The following MYT1L variants were observed in gnomAD, a reference collection of about 807,000 sequenced individuals.
The protein encoded by MYT1L is myelin transcription factor 1 like.
MYT1L carries 12 observed loss-of-function variants against 126.7 expected under a neutral mutation model. The observed-to-expected ratio is 0.09, with a 90% CI of 0.06 to 0.15. The LOEUF (loss-of-function observed/expected upper bound fraction) is 0.15. Ranked by LOEUF, MYT1L falls within the 10% of genes least tolerant of loss-of-function variation. The probability of loss-of-function intolerance (pLI) is 1.00; values close to 1 mark genes in which losing one functional copy is unlikely to be tolerated. For missense variants in MYT1L, 979 were observed against 1,585.2 expected (o/e 0.62, Z 6.49); for synonymous variants, 541 against 604.2 (o/e 0.90, Z 1.53).
chr2:2,327,192 CT>C (rs1399517710), intron 1 of MYT1L: 1 of 152,088 alleles, frequency 6.6e-6, no homozygotes, highest in Non-Finnish European at 1.5e-5. Flanking sequence ...TTTAAAATAT[CT>C]TTTTCATACC....
intron 4 of MYT1L, among the ~76,000 whole-genome samples, chr2:2,018,860 G>T (rs1286732398): frequency 1.3e-5 from 2 of 152,108 alleles, no homozygotes; most frequent in Non-Finnish European, 2.9e-5. Flanking sequence ...TCCAGAGAGA[G>T]AACGCCTCCT....
At chr2:2,178,433 T>G (rs993582256) in intron 2 of MYT1L, among the ~76,000 whole-genome samples, 1 of 152,206 alleles carries the variant, frequency 6.6e-6, no homozygotes, top group African/African-American at 2.4e-5. Context: ...TAAAAAACCT[T>G]CTTCCATGTT....
Position 1,934,124 on chromosome 2 carries a change from G to A in MYT1L, c.505+8858C>T, listed in dbSNP as rs533817323. Among the ~76,000 whole-genome samples, 311 of 142,252 alleles carry A rather than the reference G, an allele frequency of 2.2e-3. 2 individuals carry two copies. The highest frequency in any genetic ancestry group is 7.1e-3 in the African/African-American group (285 of 40,358). 93.3% of individuals were successfully genotyped at this position (142,252 alleles called of 152,430 possible). ...GGAGTAGCTGGGACTACAGGCACCC[G>A]CCACCACGCCTGGCTAATTTTTTGT... On this transcript the variant is annotated intron_variant, in intron 9 of 24. Coordinates refer to ENST00000647738, the MANE Select transcript of MYT1L (RefSeq NM_001303052.2).
At chr2:2,065,110 A>G (rs1226061868) in intron 3 of MYT1L, among the ~76,000 whole-genome samples, 1 of 152,192 alleles carries the variant, frequency 6.6e-6, no homozygotes, top group East Asian at 1.9e-4. Context: ...AGGTAGAAGC[A>G]TAACTTGGGC....
At chr2:1,874,585 C>T (rs956882386) in intron 18 of MYT1L, among the ~76,000 whole-genome samples, 8 of 152,200 alleles carry the variant, frequency 5.3e-5, no homozygotes, top group Non-Finnish European at 7.3e-5. Context: ...TGTGGTCCAG[C>T]GGCTGGGCCG....
chr2:1,868,848 C>T (rs544959554), intron 18 of MYT1L, among the ~76,000 whole-genome samples: 3 of 152,310 alleles, frequency 2.0e-5, no homozygotes, highest in East Asian at 1.9e-4. Context: ...TTGACTGCAG[C>T]GCTGCCAGGC....
chr2:1,875,160 C>T (rs1209132816), intron 18 of MYT1L, among the ~76,000 whole-genome samples: 8 of 152,180 alleles, frequency 5.3e-5, no homozygotes, highest in African/African-American at 7.2e-5. Flanking sequence ...TTCTATGTTC[C>T]GGCGCAGGCG....
At chr2:2,316,117 G>A (rs80114252) in intron 1 of MYT1L, among the ~76,000 whole-genome samples, 4,469 of 152,292 alleles carry the variant, frequency 0.029, 78 homozygotes, top group Non-Finnish European at 0.045. Flanking sequence ...TCAAGAGTCT[G>A]AGATTCAGGC....
chr2:2,318,647 A>T (rs1198559410), intron 1 of MYT1L, among the ~76,000 whole-genome samples: 1 of 152,242 alleles, frequency 6.6e-6, no homozygotes, highest in African/African-American at 2.4e-5. Context: ...GAAGATTCAG[A>T]ATACAAATTC....
intron 4 of MYT1L, among the ~76,000 whole-genome samples, chr2:2,036,834 TG>T (rs1411265890): frequency 6.6e-6 from 1 of 152,204 alleles, no homozygotes; most frequent in Non-Finnish European, 1.5e-5. Context: ...GGCAGCCTTT[TG>T]TTTTGCAGTC....
intron 2 of MYT1L, among the ~76,000 whole-genome samples, chr2:2,276,686 A>G (rs1053805958): frequency 6.6e-6 from 1 of 152,156 alleles, no homozygotes; most frequent in Non-Finnish European, 1.5e-5. Context: ...TCACATTACC[A>G]TGCCTTCATT....
chr2:1,934,037 C>G (rs529045246), intron 9 of MYT1L, among the ~76,000 whole-genome samples: 15 of 136,184 alleles, frequency 1.1e-4, no homozygotes, highest in African/African-American at 1.1e-4. Context: ...TGCAGTGGTG[C>G]GATCTCGGCT....
At chr2:2,165,579 A>G (rs1559199191) in intron 3 of MYT1L, among the ~76,000 whole-genome samples, 4 of 152,228 alleles carry the variant, frequency 2.6e-5, no homozygotes, top group African/African-American at 9.6e-5. Flanking sequence ...AACTGTCCAT[A>G]TGTCCTTTAT....
chr2:2,288,087 AG>A (rs1456638099), intron 1 of MYT1L, among the ~76,000 whole-genome samples: 2 of 152,188 alleles, frequency 1.3e-5, no homozygotes, highest in Admixed American at 1.3e-4. Context: ...GTTCATTTCT[AG>A]AGACAGGGAA....
chr2:1,878,647 G>A (rs1198152994), intron 18 of MYT1L, among the ~76,000 whole-genome samples: 1 of 152,216 alleles, frequency 6.6e-6, no homozygotes, highest in African/African-American at 2.4e-5. Context: ...CCTCATTCAA[G>A]CAGCTTGTGA....
intron 21 of MYT1L, chr2:1,828,756 T>C (rs1425533068): frequency 6.6e-6 from 1 of 152,198 alleles, no homozygotes; most frequent in African/African-American, 2.4e-5. Flanking sequence ...CTATAAAAGG[T>C]TATGTTCTCA....
chr2:2,087,443 A>G (rs2076470834), intron 3 of MYT1L, among the ~76,000 whole-genome samples: 1 of 152,126 alleles, frequency 6.6e-6, no homozygotes, highest in Admixed American at 6.5e-5. Context: ...CAGGCTTCTG[A>G]GGTCAGCCCT....
intron 2 of MYT1L, among the ~76,000 whole-genome samples, chr2:2,248,085 C>T (rs2094567544): frequency 6.6e-6 from 1 of 150,928 alleles, no homozygotes; most frequent in African/African-American, 2.4e-5. Context: ...TACAAAAGAT[C>T]AATGAAACTG....
chr2:2,324,859 A>G (rs1233067593), intron 1 of MYT1L: 1 of 152,390 alleles, frequency 6.6e-6, no homozygotes, highest in Non-Finnish European at 1.5e-5. Context: ...TGATCTAGAT[A>G]TTTTTCAAGC....
Sources: allele counts gnomAD v4.1 joint callset (sites outside exome capture counted in the v4.1 genomes callset), GRCh38; gene constraint gnomAD v4.1.1; transcripts MANE v1.5; gene names NCBI Gene and HGNC (gene_info 2026-07-23, HGNC 2026-07-21).